GRIN2A: variants seen among roughly 807,000 people sequenced by gnomAD.
The protein encoded by GRIN2A is glutamate ionotropic receptor NMDA type subunit 2A, also known as glutamate receptor ionotropic, NMDA 2A.
A neutral mutation model predicts 113.4 loss-of-function variants in GRIN2A; 22 were observed. That is an observed-to-expected ratio of 0.19 (90% CI 0.14 to 0.28). GRIN2A has a LOEUF of 0.28. GRIN2A is among the 10% of genes least tolerant of loss of function. The pLI is 1.00. For synonymous variants in GRIN2A, 827 were observed against 738.4 expected, an observed-to-expected ratio of 1.12 and a Z score of -1.94; for missense variants, 1,502 against 1,887.0, an observed-to-expected ratio of 0.80 and a Z score of 3.78.
At chr16:10,038,855 AAAC>A (rs149518048) in intron 2 of GRIN2A, among the ~76,000 whole-genome samples, 30,004 of 149,576 alleles carry the variant, frequency 0.2, 3,680 homozygotes, top group East Asian at 0.51. Context: ...CTCAAAAAAA[AAAC>A]AAAAAACAAA....
intron 4 of GRIN2A, among the ~76,000 whole-genome samples, chr16:9,868,808 G>C (rs1419987051): frequency 6.6e-6 from 1 of 152,112 alleles, no homozygotes; most frequent in Non-Finnish European, 1.5e-5. Context: ...CTAATCACAG[G>C]CTTCTGAGTA....
At chr16:9,776,910 A>C (rs1194466278) in intron 11 of GRIN2A, among the ~76,000 whole-genome samples, 1 of 152,108 alleles carries the variant, frequency 6.6e-6, no homozygotes, top group Non-Finnish European at 1.5e-5. Context: ...CTGAGTTCTG[A>C]GTTGTGGTCC....
At chr16:9,926,374 G>A (rs1039109765) in intron 3 of GRIN2A, among the ~76,000 whole-genome samples, 25 of 152,200 alleles carry the variant, frequency 1.6e-4, no homozygotes, top group African/African-American at 5.8e-4. Flanking sequence ...ATCTTGGGAA[G>A]CCTCTAGTCA....
chr16:10,009,803 G>C (rs1244643614), intron 2 of GRIN2A, among the ~76,000 whole-genome samples: 1 of 152,026 alleles, frequency 6.6e-6, no homozygotes, highest in Non-Finnish European at 1.5e-5. Flanking sequence ...ATGAAAACTA[G>C]CTCTGTTCCT....
At chr16:10,068,997 C>T (rs1701497662) in intron 2 of GRIN2A, among the ~76,000 whole-genome samples, 1 of 151,996 alleles carries the variant, frequency 6.6e-6, no homozygotes, top group African/African-American at 2.4e-5. Flanking sequence ...GAGCAGGTGG[C>T]AAGAGGAGAG....
intron 2 of GRIN2A, among the ~76,000 whole-genome samples, chr16:10,167,711 C>A (rs2049953715): frequency 6.6e-6 from 1 of 152,160 alleles, no homozygotes; most frequent in African/African-American, 2.4e-5. Context: ...TCGCTCTGTA[C>A]ATCAACATCT....
intron 2 of GRIN2A, among the ~76,000 whole-genome samples, chr16:9,980,028 G>C (rs1260892068): frequency 6.6e-6 from 1 of 151,726 alleles, no homozygotes; most frequent in Non-Finnish European, 1.5e-5. Context: ...GGGAAGCCAA[G>C]GCAGGCAGAT....
At chr16:10,118,526 C>G (rs8058567) in intron 2 of GRIN2A, among the ~76,000 whole-genome samples, 128,466 of 152,170 alleles carry the variant, frequency 0.84, 55,000 homozygotes, top group East Asian at 0.92. Flanking sequence ...CCATTCATCC[C>G]CTCTGAAAAT....
At chr16:9,901,281 C>T (rs1010012390) in intron 3 of GRIN2A, among the ~76,000 whole-genome samples, 2 of 152,160 alleles carry the variant, frequency 1.3e-5, no homozygotes, top group African/African-American at 4.8e-5. Flanking sequence ...TACTTTGTCT[C>T]TCTGTCCAGT....
At chr16:9,950,366 C>T (rs2045147980) in intron 2 of GRIN2A, among the ~76,000 whole-genome samples, 1 of 152,044 alleles carries the variant, frequency 6.6e-6, no homozygotes, top group Non-Finnish European at 1.5e-5. Flanking sequence ...CTAGGGAGCC[C>T]TTGGACCTCA....
intron 11 of GRIN2A, among the ~76,000 whole-genome samples, chr16:9,774,848 G>A (rs1008856874): frequency 6.6e-6 from 1 of 152,198 alleles, no homozygotes. Flanking sequence ...GGGAAGCTGG[G>A]GGGTGGGATG....
At chr16:10,002,179 A>C (rs988991173) in intron 2 of GRIN2A, among the ~76,000 whole-genome samples, 5 of 152,206 alleles carry the variant, frequency 3.3e-5, no homozygotes, top group African/African-American at 9.6e-5. Flanking sequence ...AAATAATCAG[A>C]TAAAACAAGG....
At chr16:9,817,242 G>GTGT (rs1296090768) in intron 10 of GRIN2A, among the ~76,000 whole-genome samples, 5 of 152,170 alleles carry the variant, frequency 3.3e-5, no homozygotes, top group African/African-American at 1.2e-4. Flanking sequence ...AATGAATAGT[G>GTGT]TGTTGGACTT....
At chr16:10,118,411 C>A (rs2048770345) in intron 2 of GRIN2A, among the ~76,000 whole-genome samples, 1 of 152,156 alleles carries the variant, frequency 6.6e-6, no homozygotes, top group Non-Finnish European at 1.5e-5. Context: ...CATCAATGTA[C>A]TGCTGTGGGT....
chr16:10,126,242 A>G (rs1173411859), intron 2 of GRIN2A, among the ~76,000 whole-genome samples: 1 of 151,726 alleles, frequency 6.6e-6, no homozygotes, highest in African/African-American at 2.4e-5. Context: ...AGCTCACTGC[A>G]GCCTCAAATT....
chr16:9,981,042 AAGAG>A (rs891116273), intron 2 of GRIN2A, among the ~76,000 whole-genome samples: 73 of 151,170 alleles, frequency 4.8e-4, no homozygotes, highest in East Asian at 3.5e-3. Context: ...GGAAAAAAAA[AAGAG>A]AGAGAGAGAG....
At chr16:10,036,438 T>A (rs1309350190) in intron 2 of GRIN2A, among the ~76,000 whole-genome samples, 3 of 49,868 alleles carry the variant, frequency 6.0e-5, no homozygotes, top group African/African-American at 2.8e-4. Flanking sequence ...TAGTACTTAC[T>A]TTTTTTTTTT....
intron 2 of GRIN2A, chr16:10,112,152 T>C (rs1402056910): frequency 5.1e-6 from 3 of 585,448 alleles, no homozygotes; most frequent in Non-Finnish European, 9.5e-6. Context: ...TGACAAATAC[T>C]GCCTGGACCT....
chr16:9,820,081 A>G (rs1020820407), intron 10 of GRIN2A, among the ~76,000 whole-genome samples: 2 of 152,136 alleles, frequency 1.3e-5, no homozygotes, highest in Non-Finnish European at 2.9e-5. Flanking sequence ...TAATTATTAT[A>G]TGGCTTCCAG....
Sources: allele counts gnomAD v4.1 joint callset (sites outside exome capture counted in the v4.1 genomes callset), GRCh38; gene constraint gnomAD v4.1.1; transcripts MANE v1.5; gene names NCBI Gene and HGNC (gene_info 2026-07-23, HGNC 2026-07-21).